KCTD1: variants seen among roughly 807,000 people sequenced by gnomAD.
KCTD1 encodes BTB/POZ domain-containing protein KCTD1.
A neutral mutation model predicts 66.0 loss-of-function variants in KCTD1; 24 were observed. That is an observed-to-expected ratio of 0.36 (90% CI 0.26 to 0.51). KCTD1 has a LOEUF of 0.51. KCTD1 is among the 20% of genes least tolerant of loss of function. The pLI is 0.95. For synonymous variants in KCTD1, 511 were observed against 517.2 expected (o/e 0.99, Z 0.16); for missense variants, 943 against 1,205.2 (o/e 0.78, Z 3.22).
intron 2 of KCTD1, among the ~76,000 whole-genome samples, chr18:26,493,856 C>T (rs754515317): frequency 6.6e-6 from 1 of 152,192 alleles, no homozygotes; most frequent in Non-Finnish European, 1.5e-5. Flanking sequence ...CCACCCCCAG[C>T]CCACTACCCT....
intron 2 of KCTD1, among the ~76,000 whole-genome samples, chr18:26,493,738 C>T (rs1267524713): frequency 6.6e-6 from 1 of 152,100 alleles, no homozygotes; most frequent in African/African-American, 2.4e-5. Flanking sequence ...TTAAAATGTA[C>T]AATTAAATTA....
At chr18:26,514,836 G>A (rs892317870) in intron 1 of KCTD1, among the ~76,000 whole-genome samples, 7 of 152,204 alleles carry the variant, frequency 4.6e-5, no homozygotes, top group Admixed American at 3.9e-4. Flanking sequence ...GCCAGACCTG[G>A]TATTAGCACA....
At chr18:26,577,395 C>A (rs1291321204) in intron 1 of KCTD1, among the ~76,000 whole-genome samples, 1 of 152,124 alleles carries the variant, frequency 6.6e-6, no homozygotes, top group East Asian at 1.9e-4. Flanking sequence ...TCAATCAATT[C>A]TTTTCAGGGT....
intron 1 of KCTD1, among the ~76,000 whole-genome samples, chr18:26,526,777 G>C (rs1456636980): frequency 1.3e-5 from 2 of 151,764 alleles, no homozygotes; most frequent in Admixed American, 1.3e-4. Context: ...CTAGGAAATG[G>C]AGAACATGTG....
At chr18:26,527,222 A>C (rs1400483812) in intron 1 of KCTD1, among the ~76,000 whole-genome samples, 1 of 152,160 alleles carries the variant, frequency 6.6e-6, no homozygotes, top group Non-Finnish European at 1.5e-5. Context: ...CAGAGGAGGG[A>C]AAAAAGCTTC....
chr18:26,532,408 C>T (rs780522782), intron 1 of KCTD1, among the ~76,000 whole-genome samples: 1 of 151,652 alleles, frequency 6.6e-6, no homozygotes, highest in Non-Finnish European at 1.5e-5. Flanking sequence ...GGAGTACAGA[C>T]ATGCACTCCC....
In KCTD1 at chr18:26,475,331, T is replaced by C. The variant is rs537224651; in HGVS notation, c.2133+1184A>G. Reference sequence around the variant, plus strand: ...CTTAAGTGGGTTTGCACTGACTATATAGAATAATTTGAGGATAACTGACAT... The same window carrying C: ...CTTAAGTGGGTTTGCACTGACTATACAGAATAATTTGAGGATAACTGACAT... On this transcript the variant is annotated intron_variant, in intron 3 of 4. Coordinates refer to ENST00000580059, the MANE Select transcript of KCTD1 (RefSeq NM_001142730.3). Among the ~76,000 whole-genome samples the C allele has an allele frequency of 1.2e-4, 18 of 152,338 alleles. No homozygotes were observed. In the South Asian group the frequency reaches 3.7e-3, roughly 32 times the overall value.
At chr18:26,550,046 C>G (rs563576990), upstream of KCTD1, among the ~76,000 whole-genome samples, 1 of 152,268 alleles carries the variant, frequency 6.6e-6, no homozygotes, top group East Asian at 1.9e-4. This position sits in a 1 kb window ranked among gnomAD's most constrained non-coding sequence, Gnocchi z 5.4. Flanking sequence ...TTCACCTTCT[C>G]CCGCAGCCCG....
intron 3 of KCTD1, chr18:26,460,867 T>G (rs1181221680): frequency 6.6e-6 from 1 of 152,236 alleles, no homozygotes; most frequent in Non-Finnish European, 1.5e-5. Flanking sequence ...AGGAACAATG[T>G]TAACAAGCAG....
chr18:26,647,704 A>G (rs1327450163), intron 1 of KCTD1, among the ~76,000 whole-genome samples: 1 of 151,998 alleles, frequency 6.6e-6, no homozygotes, highest in Non-Finnish European at 1.5e-5. Context: ...GGCATTTCTG[A>G]TAAGGGAGAG....
chr18:26,499,388 T>C (rs1053456197), intron 2 of KCTD1, among the ~76,000 whole-genome samples: 1 of 152,236 alleles, frequency 6.6e-6, no homozygotes, highest in African/African-American at 2.4e-5. Flanking sequence ...TGATTTTTCG[T>C]AGTACCTATT....
chr18:26,647,281 G>A (rs1987941246), intron 1 of KCTD1, among the ~76,000 whole-genome samples: 1 of 151,702 alleles, frequency 6.6e-6, no homozygotes, highest in South Asian at 2.1e-4. Context: ...GGCTGAGGCG[G>A]GTGGATCACG....
chr18:26,486,008 G>T (rs769808721), intron 2 of KCTD1, among the ~76,000 whole-genome samples: 33 of 151,300 alleles, frequency 2.2e-4, no homozygotes, highest in Non-Finnish European at 1.0e-4. Flanking sequence ...CCACCTCCCG[G>T]GTTCAAGCGA....
chr18:26,476,377 A>C lies in KCTD1; in HGVS notation c.2133+138T>G. ...AATGGCCATAACCACTATTTCATGA[A>C]TAGTGAACCATGTCAAAGAGAACTC... On this transcript the variant is annotated intron_variant, in intron 3 of 4. Transcript: ENST00000580059. This position sits in a 1 kb window ranked among gnomAD's most constrained non-coding sequence, Gnocchi z 4.9. 2 of 728,674 alleles carry C rather than the reference A, an allele frequency of 2.7e-6. No individual in the cohort carries two copies. 45.1% of individuals were successfully genotyped at this position (728,674 alleles called of 1,614,324 possible).
At chr18:26,506,825 T>C (rs149851193) in intron 1 of KCTD1, among the ~76,000 whole-genome samples, 6 of 152,318 alleles carry the variant, frequency 3.9e-5, no homozygotes, top group Non-Finnish European at 8.8e-5. Flanking sequence ...GTGGGTGTCA[T>C]AGTGAGACTG....
chr18:26,585,598 A>G (rs2144932587), intron 1 of KCTD1, among the ~76,000 whole-genome samples: 2 of 152,350 alleles, frequency 1.3e-5, no homozygotes, highest in Middle Eastern at 3.4e-3. Flanking sequence ...CAGGTACAAT[A>G]CCAAGAAAGC....
intron 3 of KCTD1, among the ~76,000 whole-genome samples, chr18:26,473,989 T>C (rs1598882175): frequency 6.6e-6 from 1 of 152,368 alleles, no homozygotes; most frequent in East Asian, 1.9e-4. Context: ...TTCAAAATCC[T>C]GAAGGAGAAG....
chr18:26,564,659 G>A (rs1985939737), intron 1 of KCTD1, among the ~76,000 whole-genome samples: 4 of 152,146 alleles, frequency 2.6e-5, no homozygotes, highest in Admixed American at 2.6e-4. Context: ...GGAGGCTGAG[G>A]TGAGTGGATC....
At chr18:26,629,204 T>C (rs1598974631) in exon 1 of KCTD1, 1 of 985,426 alleles carries the variant, frequency 1.0e-6, no homozygotes, top group Non-Finnish European at 1.2e-6. Context: ...TGGTGTGCAG[T>C]GCAGGCTTGA....
Sources: allele counts gnomAD v4.1 joint callset (sites outside exome capture counted in the v4.1 genomes callset), GRCh38; gene constraint gnomAD v4.1.1; non-coding constraint Gnocchi (gnomAD v3.1); transcripts MANE v1.5; gene names NCBI Gene and HGNC (gene_info 2026-07-23, HGNC 2026-07-21).